RNF6: variants seen among roughly 807,000 people sequenced by gnomAD.
The protein encoded by RNF6 is ring finger protein 6.
A neutral mutation model predicts 50.1 loss-of-function variants in RNF6; 21 were observed. The ratio of observed to expected loss-of-function variants is 0.42; its 90% CI spans 0.30 to 0.60. RNF6 has a LOEUF of 0.60. Ranked by LOEUF, RNF6 falls within the 20% of genes least tolerant of loss-of-function variation. The probability of loss-of-function intolerance (pLI) is 0.20; values close to 1 mark genes in which losing one functional copy is unlikely to be tolerated. For missense variants in RNF6, 698 were observed against 838.2 expected, an observed-to-expected ratio of 0.83 and a Z score of 2.07; for synonymous variants, 255 against 291.8, an observed-to-expected ratio of 0.87 and a Z score of 1.29.
At chr13:26,172,786 G>A (rs948263258) in intron 5 of RNF6, among the ~76,000 whole-genome samples, 10 of 152,090 alleles carry the variant, frequency 6.6e-5, no homozygotes, top group East Asian at 1.9e-4. Flanking sequence ...CTCGTGATCC[G>A]CCCACCTCGG....
intron 5 of RNF6, among the ~76,000 whole-genome samples, chr13:26,180,144 G>A (rs1216228558): frequency 6.6e-6 from 1 of 152,160 alleles, no homozygotes; most frequent in East Asian, 1.9e-4. Context: ...CTTGGCTAGT[G>A]AGCCCAGTGA....
chr13:26,193,549 G>GT (rs1205115664), intron 5 of RNF6, among the ~76,000 whole-genome samples: 1 of 152,204 alleles, frequency 6.6e-6, no homozygotes, highest in Non-Finnish European at 1.5e-5. Context: ...ACTGGAATGT[G>GT]TTCTAGCAAG....
chr13:26,158,598 G>C (rs987729765), intron 5 of RNF6, among the ~76,000 whole-genome samples: 10 of 152,106 alleles, frequency 6.6e-5, no homozygotes, highest in African/African-American at 2.4e-4. Flanking sequence ...AAATGACTAT[G>C]CAGATTTATA....
At chr13:26,162,205 A>G (rs1872245637) in intron 5 of RNF6, among the ~76,000 whole-genome samples, 1 of 152,076 alleles carries the variant, frequency 6.6e-6, no homozygotes, top group Admixed American at 6.6e-5. Flanking sequence ...CACCCCAGGA[A>G]GGGGTGCCTT....
intron 4 of RNF6, among the ~76,000 whole-genome samples, chr13:26,217,230 TAATAA>T (rs1162375172): frequency 1.3e-5 from 2 of 152,178 alleles, no homozygotes; most frequent in East Asian, 1.9e-4. Context: ...TAAACACAAA[TAATAA>T]AATGTGTTAA....
intron 5 of RNF6, among the ~76,000 whole-genome samples, chr13:26,189,492 T>G (rs1868377744): frequency 6.6e-6 from 1 of 152,212 alleles, no homozygotes; most frequent in Non-Finnish European, 1.5e-5. Context: ...TCATATTTCA[T>G]GCCAAGGAGG....
At chr13:26,205,439 C>G (rs1869068924) in intron 5 of RNF6, among the ~76,000 whole-genome samples, 1 of 152,158 alleles carries the variant, frequency 6.6e-6, no homozygotes, top group South Asian at 2.1e-4. Context: ...GTCATTGTTT[C>G]TCAATAGGAC....
At chr13:26,181,784 GC>G (rs1443976853) in intron 5 of RNF6, among the ~76,000 whole-genome samples, 2 of 152,198 alleles carry the variant, frequency 1.3e-5, no homozygotes, top group East Asian at 3.8e-4. Flanking sequence ...CCAGTGGGAT[GC>G]TACAGGTTCT....
rs1593194123 is a variant in RNF6, at chr13:26,214,688, T to C, written c.1194A>G (p.Thr398=). The C allele has an allele frequency of 4.3e-6, 7 of 1,614,210 alleles. No individual in the cohort carries two copies. In the East Asian group the frequency reaches 1.6e-4, roughly 36 times the overall value. ...GGATCCTTCTCACTTGAAGGTCCAG[T>C]GTGATTGTTGGATGTCGTCGTACAG... ...STAVRRHPTI[T]LDLQVRRIRP... Residue 398 remains threonine, a synonymous_variant, in exon 5 of 5, where the codon ACA becomes ACG. Transcript: ENST00000381588.
At chr13:26,191,083 AG>A (rs1868433078) in intron 5 of RNF6, among the ~76,000 whole-genome samples, 1 of 152,174 alleles carries the variant, frequency 6.6e-6, no homozygotes. Context: ...ACTAATAAAT[AG>A]GTGATATTCC....
intron 5 of RNF6, among the ~76,000 whole-genome samples, chr13:26,204,473 G>C (rs1869019392): frequency 7.0e-6 from 1 of 141,856 alleles, no homozygotes; most frequent in Admixed American, 7.4e-5. Context: ...CTTTAGCCTG[G>C]GCAACAGAGC....
chr13:26,169,989 C>G (rs1427589746), intron 5 of RNF6, among the ~76,000 whole-genome samples: 2 of 152,168 alleles, frequency 1.3e-5, no homozygotes, highest in Non-Finnish European at 2.9e-5. Context: ...ATCTCCTAAC[C>G]TAAAAACAAA....
intron 5 of RNF6, among the ~76,000 whole-genome samples, chr13:26,148,270 C>T (rs1412689663): frequency 1.3e-5 from 2 of 152,096 alleles, no homozygotes; most frequent in Non-Finnish European, 2.9e-5. Flanking sequence ...CAGGTCCCTT[C>T]TTTGACACAT....
In RNF6 at chr13:26,214,765, C is replaced by A. The variant is rs752710777; in HGVS notation, c.1117G>T (p.Val373Leu). ...AYTPFSNSRL[V>L]SRITVEEGEE... is the part of the protein sequence containing the mutation. ...CCTTCTTCTACTGTTATTCTTGACA[C>A]AAGCCTTGAATTAGAGAATGGGGTA... Residue 373 changes from valine (V) to leucine (L), a missense_variant, in exon 5 of 5, where the codon GTG (valine) becomes TTG (leucine). Val to Leu is a conservative substitution (Grantham distance 32). Transcript: ENST00000381588. 1.2e-6 allele frequency: 2 copies of A among 1,614,064 alleles called. No homozygotes were observed. The highest frequency in any genetic ancestry group is 2.2e-5 in the East Asian group (1 of 44,888).
At chr13:26,155,573 G>A (rs946342451) in intron 5 of RNF6, among the ~76,000 whole-genome samples, 6 of 152,174 alleles carry the variant, frequency 3.9e-5, no homozygotes, top group East Asian at 1.9e-4. Context: ...AATTATGAGC[G>A]TCATCAAGGG....
rs765820063 is a variant in RNF6 at position 26,169,584 on chromosome 13, A to G, written n.769-37133T>C. On this transcript the variant is annotated intron_variant and non_coding_transcript_variant, in intron 5 of 5. Transcript: ENST00000468480. ...TTCCTCTATCTTCTTTGAAATATAT[A>G]TAAATCTTCTTAAGAGTCTCTTGCC... Among the ~76,000 whole-genome samples the G allele has an allele frequency of 4.5e-4, 68 of 152,152 alleles. 1 individual carries two copies. Among genetic ancestry groups the G allele is most frequent in the Admixed American group, 3.9e-4 (6 of 15,280 alleles).
At chr13:26,160,563 T>C (rs1176856986) in intron 5 of RNF6, among the ~76,000 whole-genome samples, 2 of 145,522 alleles carry the variant, frequency 1.4e-5, no homozygotes, top group Non-Finnish European at 3.0e-5. Context: ...TTTTTTTTTT[T>C]TGGACATTTG....
At chr13:26,204,889 G>C (rs753575096) in intron 5 of RNF6, among the ~76,000 whole-genome samples, 5 of 152,174 alleles carry the variant, frequency 3.3e-5, no homozygotes, top group Non-Finnish European at 5.9e-5. Context: ...CACTGAATCT[G>C]CCGCTCTCTC....
chr13:26,181,350 G>A (rs889412205), intron 5 of RNF6, among the ~76,000 whole-genome samples: 2 of 152,248 alleles, frequency 1.3e-5, no homozygotes, highest in Non-Finnish European at 2.9e-5. Flanking sequence ...GGCAGGCAGA[G>A]GCCGATCAGG....
Sources: allele counts gnomAD v4.1 joint callset (sites outside exome capture counted in the v4.1 genomes callset), GRCh38; gene constraint gnomAD v4.1.1; transcripts MANE v1.5; gene names NCBI Gene and HGNC (gene_info 2026-07-23, HGNC 2026-07-21).